The following CDK14 variants were observed in gnomAD, a reference collection of about 807,000 sequenced individuals.
CDK14 encodes cyclin dependent kinase 14, also known as cyclin-dependent kinase 14.
In CDK14, 34 loss-of-function variants were observed where a neutral mutation model predicts 60.7. That is an observed-to-expected ratio of 0.56 (90% confidence interval 0.43 to 0.75). The LOEUF is 0.75. CDK14 is among the 30% of genes least tolerant of loss of function. CDK14 has a pLI of 0.00. For missense variants in CDK14, 482 were observed against 564.1 expected (o/e 0.85, Z 1.47); for synonymous variants, 197 against 203.7 (o/e 0.97, Z 0.28).
In CDK14 at chr7:90,678,743, G is replaced by GTTCA. The variant is rs1249378919; in HGVS notation, c.124-47810_124-47807dup. Among the ~76,000 whole-genome samples, 8 of 152,104 alleles carry GTTCA rather than the reference G, an allele frequency of 5.3e-5. No homozygotes were observed. The South Asian group carries it at 1.5e-3, about 28-fold the overall frequency. ...ACTCAGAAATCATAATTGGTTCATT[G>GTTCA]TTCATTCATTCATTCATCAGCACTA... On this transcript the variant is annotated intron_variant, in intron 2 of 14. Transcript: ENST00000380050.
At chr7:90,811,727 G>A (rs966472515) in intron 5 of CDK14, among the ~76,000 whole-genome samples, 72 of 151,960 alleles carry the variant, frequency 4.7e-4, no homozygotes, top group African/African-American at 1.4e-3. Context: ...ATCTGACAAA[G>A]GGCTAATATC....
At chr7:91,147,264 G>T (rs1412096226) in intron 14 of CDK14, among the ~76,000 whole-genome samples, 3 of 150,512 alleles carry the variant, frequency 2.0e-5, no homozygotes, top group Non-Finnish European at 4.4e-5. Flanking sequence ...TGTCCTGCAA[G>T]ATTTGCCTTT....
chr7:90,965,561 C>A (rs1048580262), intron 9 of CDK14, among the ~76,000 whole-genome samples: 7 of 152,056 alleles, frequency 4.6e-5, no homozygotes, highest in African/African-American at 1.7e-4. Flanking sequence ...TTATTGGTTC[C>A]CTTATAGCTC....
chr7:91,192,054 C>T (rs931304370), intron 14 of CDK14, among the ~76,000 whole-genome samples: 1 of 152,144 alleles, frequency 6.6e-6, no homozygotes, highest in African/African-American at 2.4e-5. Flanking sequence ...TATAGTGCTA[C>T]CAAACCCTCT....
chr7:90,960,657 T>G (rs1023494301), intron 9 of CDK14, among the ~76,000 whole-genome samples: 7 of 152,172 alleles, frequency 4.6e-5, no homozygotes, highest in Non-Finnish European at 7.4e-5. Context: ...TTAGCATTGC[T>G]TTTTTATTAA....
intron 4 of CDK14, among the ~76,000 whole-genome samples, chr7:90,774,475 T>C (rs1804934181): frequency 6.6e-6 from 1 of 152,182 alleles, no homozygotes; most frequent in African/African-American, 2.4e-5. Flanking sequence ...TGTTCTCTAA[T>C]CCTTTTTTGT....
chr7:90,987,193 T>C (rs1795396929), intron 10 of CDK14, among the ~76,000 whole-genome samples: 1 of 152,004 alleles, frequency 6.6e-6, no homozygotes, highest in South Asian at 2.1e-4. Flanking sequence ...TATTTTTTAA[T>C]TTTATGGCAT....
At chr7:90,601,595 C>T (rs1799313859) in intron 1 of CDK14, among the ~76,000 whole-genome samples, 1 of 152,188 alleles carries the variant, frequency 6.6e-6, no homozygotes, top group African/African-American at 2.4e-5. Flanking sequence ...CCTCCAGACC[C>T]CACCTCTTTG....
intron 5 of CDK14, among the ~76,000 whole-genome samples, chr7:90,816,300 T>C (rs1482295008): frequency 6.6e-6 from 1 of 152,168 alleles, no homozygotes; most frequent in Admixed American, 6.6e-5. Flanking sequence ...TTGGCTGGCA[T>C]AGAGAGAATT....
chr7:90,895,036 G>A (rs1310777235), intron 6 of CDK14, among the ~76,000 whole-genome samples: 2 of 151,984 alleles, frequency 1.3e-5, no homozygotes, highest in African/African-American at 4.8e-5. Flanking sequence ...GTTTGACAAT[G>A]TGTTTTAAAG....
At chr7:90,802,379 A>G (rs1471059382) in intron 5 of CDK14, among the ~76,000 whole-genome samples, 1 of 152,210 alleles carries the variant, frequency 6.6e-6, no homozygotes, top group African/African-American at 2.4e-5. Context: ...TATTTGTAGC[A>G]TCATTGTTGG....
chr7:90,945,866 G>C (rs927949740), intron 8 of CDK14, among the ~76,000 whole-genome samples: 3 of 152,136 alleles, frequency 2.0e-5, no homozygotes, highest in Non-Finnish European at 4.4e-5. Context: ...TCTTGTAAGT[G>C]GCAGTCATAG....
In CDK14 at chr7:90,863,224, C is replaced by T; in HGVS notation, c.594C>T (p.Asp198=). 1 of 1,610,642 alleles carries T rather than the reference C, an allele frequency of 6.2e-7. No homozygotes were observed. Among genetic ancestry groups the T allele is most frequent in the Non-Finnish European group, 8.5e-7 (1 of 1,177,490 alleles). The change falls in exon 6 of 15, where the codon GAC becomes GAT. Residue 198 remains aspartate, a synonymous_variant. Transcript: ENST00000380050. ...ATGCTAACATAGTGCTACTTCATGACATCATCCATACCAAGGAGACGCTGA... is the reference window on the plus strand; with the variant it reads ...ATGCTAACATAGTGCTACTTCATGATATCATCCATACCAAGGAGACGCTGA... ...LKHANIVLLH[D]IIHTKETLTL...
At chr7:91,147,158 TCTCTCA>T (rs1254609786) in intron 14 of CDK14, among the ~76,000 whole-genome samples, 16 of 107,630 alleles carry the variant, frequency 1.5e-4, no homozygotes, top group East Asian at 5.2e-4. Context: ...TCTCTCTCTC[TCTCTCA>T]CACACACACA....
At chr7:91,166,056 A>G (rs1243565720) in intron 14 of CDK14, among the ~76,000 whole-genome samples, 1 of 152,228 alleles carries the variant, frequency 6.6e-6, no homozygotes, top group Non-Finnish European at 1.5e-5. Context: ...ACACCAAGCT[A>G]CACAAACCAA....
At chr7:90,778,801 C>T (rs1336076273) in intron 4 of CDK14, among the ~76,000 whole-genome samples, 2 of 151,804 alleles carry the variant, frequency 1.3e-5, no homozygotes, top group Non-Finnish European at 2.9e-5. Context: ...TTTTATCTTC[C>T]TTTTTTCAGC....
chr7:91,079,535 A>G, intron 12 of CDK14, 55 bp downstream of exon 12: 2 of 1,212,244 alleles, frequency 1.6e-6, no homozygotes, highest in Non-Finnish European at 1.2e-6. Context: ...TAATATTTAC[A>G]ACTCTTCTCA....
intron 8 of CDK14, among the ~76,000 whole-genome samples, chr7:90,926,524 T>C (rs1263051127): frequency 6.6e-6 from 1 of 152,214 alleles, no homozygotes; most frequent in African/African-American, 2.4e-5. Context: ...GGCTCCGCAG[T>C]GCTGGGCAGT....
chr7:90,904,710 TTGAG>T (rs1792637003), intron 7 of CDK14, among the ~76,000 whole-genome samples: 2 of 152,178 alleles, frequency 1.3e-5, no homozygotes, highest in Non-Finnish European at 2.9e-5. Context: ...ATGTATAGGA[TTGAG>T]TTTTTAGATT....
Sources: gnomAD v4.1 joint callset for allele counts (sites outside exome capture counted in the v4.1 genomes callset) on GRCh38, gnomAD v4.1.1 for gene constraint, MANE v1.5 for transcripts, NCBI Gene and HGNC (gene_info 2026-07-23, HGNC 2026-07-21) for gene names.